Variants in PIK3C2G observed in about 807,000 individuals in gnomAD.
The protein encoded by PIK3C2G is phosphatidylinositol-4-phosphate 3-kinase catalytic subunit type 2 gamma.
In PIK3C2G, 168 loss-of-function variants were observed where a neutral mutation model predicts 181.1. That is an observed-to-expected ratio of 0.93 (90% CI 0.82 to 1.05). The LOEUF (loss-of-function observed/expected upper bound fraction) is 1.05, where lower values mean the gene tolerates loss of function less well. Ranked by LOEUF, PIK3C2G falls within the 50% of genes least tolerant of loss-of-function variation. The pLI is 0.00. For missense variants in PIK3C2G, 1,869 were observed against 1,732.8 expected (o/e 1.08, Z -1.40); for synonymous variants, 573 against 592.2 (o/e 0.97, Z 0.47).
chr12:18,457,970 CCTT>C (rs1365334470), intron 18 of PIK3C2G, among the ~76,000 whole-genome samples: 6 of 151,932 alleles, frequency 3.9e-5, no homozygotes, highest in Non-Finnish European at 8.8e-5. Context: ...TCTTTTATAA[CCTT>C]CTTTCTTTAA....
intron 8 of PIK3C2G, among the ~76,000 whole-genome samples, chr12:18,332,248 G>A (rs1938048223): frequency 6.6e-6 from 1 of 152,096 alleles, no homozygotes; most frequent in East Asian, 1.9e-4. Context: ...AGCTTTGACA[G>A]CTCCTGCTTG....
chr12:18,391,218 A>G lies in PIK3C2G; in HGVS notation c.2092A>G (p.Ile698Val), dbSNP rs768930289. 3 of 1,601,944 alleles carry G rather than the reference A, an allele frequency of 1.9e-6. No individual in the cohort carries two copies. The highest frequency in any genetic ancestry group is 2.6e-6 in the Non-Finnish European group (3 of 1,174,370). ...EEPLKECIKH[I>V]ARLSQKQTPL... ...GCCACTAAAGGAGTGTATAAAACATATTGCCAGACTTTCACAGAAACAGAC... is the reference window on the plus strand; with the variant it reads ...GCCACTAAAGGAGTGTATAAAACATGTTGCCAGACTTTCACAGAAACAGAC... The change falls in exon 15 of 33, where the codon ATT becomes GTT. Residue 698 changes from isoleucine (I) to valine (V), a missense_variant. Ile to Val is a conservative substitution (Grantham distance 29). Coordinates refer to ENST00000538779, the MANE Select transcript of PIK3C2G (RefSeq NM_001288772.2).
chr12:18,592,240 G>C (rs558706631), intron 29 of PIK3C2G, among the ~76,000 whole-genome samples: 5 of 151,918 alleles, frequency 3.3e-5, no homozygotes, highest in Non-Finnish European at 7.4e-5. Flanking sequence ...GGATACATTA[G>C]AGTAATAAGA....
upstream of PIK3C2G, among the ~76,000 whole-genome samples, chr12:18,245,693 T>C (rs539976537): frequency 2.0e-5 from 3 of 152,290 alleles, 1 homozygote; most frequent in African/African-American, 7.2e-5. Context: ...AATTTTCCCT[T>C]TATCTAATAC....
At chr12:18,313,715 A>G (rs1433666467) in intron 5 of PIK3C2G, among the ~76,000 whole-genome samples, 2 of 152,092 alleles carry the variant, frequency 1.3e-5, no homozygotes, top group African/African-American at 4.8e-5. Context: ...ATGCACATAA[A>G]AATTTCACAT....
chr12:18,597,332 G>C (rs917083615), intron 30 of PIK3C2G, among the ~76,000 whole-genome samples: 1 of 151,894 alleles, frequency 6.6e-6, no homozygotes, highest in African/African-American at 2.4e-5. Flanking sequence ...ATTAAATAAA[G>C]GCAGCTGCTA....
chr12:18,492,642 C>T (rs1453890124), intron 20 of PIK3C2G, among the ~76,000 whole-genome samples: 1 of 152,168 alleles, frequency 6.6e-6, no homozygotes, highest in East Asian at 1.9e-4. Context: ...GACACTGTAC[C>T]TTAATGTAGA....
intron 29 of PIK3C2G, among the ~76,000 whole-genome samples, chr12:18,572,980 A>G (rs1946046394): frequency 6.6e-6 from 1 of 152,056 alleles, no homozygotes; most frequent in Admixed American, 6.6e-5. Context: ...CTTTTTTATT[A>G]TATCTGCAAA....
intron 24 of PIK3C2G, among the ~76,000 whole-genome samples, chr12:18,520,893 T>G (rs1375248359): frequency 6.6e-6 from 1 of 152,178 alleles, no homozygotes; most frequent in African/African-American, 2.4e-5. Flanking sequence ...AGTTTCGATC[T>G]TTGAGTCTGC....
chr12:18,604,713 A>G (rs184670720), intron 30 of PIK3C2G, among the ~76,000 whole-genome samples: 27 of 152,340 alleles, frequency 1.8e-4, no homozygotes, highest in Admixed American at 8.5e-4. Flanking sequence ...ACTACAATGG[A>G]TTAAAACTGA....
At chr12:18,517,154 G>T (rs1326113935) in intron 24 of PIK3C2G, among the ~76,000 whole-genome samples, 2 of 151,446 alleles carry the variant, frequency 1.3e-5, no homozygotes, top group Non-Finnish European at 1.5e-5. Flanking sequence ...GATCTTTGGT[G>T]GTTTGGTACT....
chr12:18,557,268 A>T (rs1383499163), intron 26 of PIK3C2G, among the ~76,000 whole-genome samples: 1 of 152,054 alleles, frequency 6.6e-6, no homozygotes, highest in African/African-American at 2.4e-5. Flanking sequence ...TATTTTTTCA[A>T]GTGAATAATA....
rs188245164 is a variant in PIK3C2G, at chr12:18,324,147, G to C, written c.1209-888G>C. Among the ~76,000 whole-genome samples the C allele has an allele frequency of 2.2e-4, 33 of 152,112 alleles. No individual in the cohort carries two copies. The East Asian group carries it at 6.4e-3, about 30-fold the overall frequency. On this transcript the variant is annotated intron_variant, in intron 7 of 32. Coordinates refer to ENST00000538779, the MANE Select transcript of PIK3C2G (RefSeq NM_001288772.2). The stretch of plus-strand genomic sequence containing the variant: ...AGGCAGGAGAATGACGTGAACCCCG[G>C]GGGGCGGAGCCTGCAGTGAGCGGAG...
At chr12:18,462,922 C>T (rs902942776) in intron 18 of PIK3C2G, among the ~76,000 whole-genome samples, 2 of 149,424 alleles carry the variant, frequency 1.3e-5, no homozygotes, top group East Asian at 3.9e-4. Context: ...GGTTTGCAAA[C>T]AAACATTTTA....
intron 16 of PIK3C2G, among the ~76,000 whole-genome samples, chr12:18,419,370 G>C (rs1004476390): frequency 6.6e-6 from 1 of 152,124 alleles, no homozygotes; most frequent in African/African-American, 2.4e-5. Context: ...AACTTACCTA[G>C]TAACTATTCC....
chr12:18,529,893 T>C (rs1454619148), intron 24 of PIK3C2G, among the ~76,000 whole-genome samples: 1 of 152,134 alleles, frequency 6.6e-6, no homozygotes, highest in East Asian at 1.9e-4. Context: ...GAACATATTA[T>C]GAACAGAAAT....
chr12:18,334,297 T>A (rs1382082490), intron 8 of PIK3C2G, among the ~76,000 whole-genome samples: 2 of 152,010 alleles, frequency 1.3e-5, no homozygotes, highest in East Asian at 1.9e-4. Flanking sequence ...TTAAGAAAAA[T>A]TTTTCTTATA....
At chr12:18,338,663 C>CTGTG (rs199613361) in intron 9 of PIK3C2G, 115 bp downstream of exon 9, 13,773 of 412,354 alleles carry the variant, frequency 0.033, 200 homozygotes, top group Non-Finnish European at 0.04. Flanking sequence ...TTGTGTGTAT[C>CTGTG]TGTGTGTGTG....
At chr12:18,723,478 A>G in the PIK3C2G span, 3 of 1,612,976 alleles carry the variant, frequency 1.9e-6, no homozygotes, top group African/African-American at 1.3e-5. Context: ...TCTGTGCGTG[A>G]TAATTCGATA....
Sources: allele counts gnomAD v4.1 joint callset (sites outside exome capture counted in the v4.1 genomes callset), GRCh38; gene constraint gnomAD v4.1.1; transcripts MANE v1.5; gene names NCBI Gene and HGNC (gene_info 2026-07-23, HGNC 2026-07-21).